RYR2: variants seen among roughly 807,000 people sequenced by gnomAD.
RYR2 encodes the protein ryanodine receptor 2.
In RYR2, 227 loss-of-function variants were observed where a neutral mutation model predicts 601.1. The observed-to-expected ratio is 0.38, with a 90% CI of 0.34 to 0.42. The LOEUF is 0.42. RYR2 is among the 10% of genes least tolerant of loss of function. RYR2 has a pLI of 1.00. For synonymous variants in RYR2, 2,223 were observed against 2,175.1 expected (o/e 1.02, Z -0.61); for missense variants, 4,646 against 6,156.5 (o/e 0.75, Z 8.21).
At chr1:237,821,984 T>C (rs1014270647) in intron 101 of RYR2, among the ~76,000 whole-genome samples, 21 of 149,078 alleles carry the variant, frequency 1.4e-4, no homozygotes, top group Admixed American at 8.7e-4. Context: ...GAAAAAAGAG[T>C]GAAAAGAAAT....
At chr1:237,438,250 C>CCT (rs1030566547) in intron 12 of RYR2, among the ~76,000 whole-genome samples, 23 of 152,026 alleles carry the variant, frequency 1.5e-4, no homozygotes, top group African/African-American at 5.6e-4. Flanking sequence ...GCTGTAAAGT[C>CCT]CTCGTCTGCT....
chr1:237,306,723 C>T (rs1166075210), intron 2 of RYR2, among the ~76,000 whole-genome samples: 1 of 151,970 alleles, frequency 6.6e-6, no homozygotes, highest in African/African-American at 2.4e-5. Context: ...AAGGATGTAA[C>T]CAAAAAGAGC....
intron 10 of RYR2, among the ~76,000 whole-genome samples, chr1:237,394,020 A>G (rs1405966813): frequency 6.6e-6 from 1 of 152,256 alleles, no homozygotes; most frequent in East Asian, 1.9e-4. Flanking sequence ...ATAGAAAAAC[A>G]GACAATAGAT....
intron 1 of RYR2, among the ~76,000 whole-genome samples, chr1:237,110,191 G>C (rs1357853701): frequency 6.6e-6 from 1 of 152,098 alleles, no homozygotes; most frequent in Non-Finnish European, 1.5e-5. Context: ...TGGAAAGCTT[G>C]TTAAAACGCA....
chr1:237,342,313 A>ATTT (rs201847873), intron 3 of RYR2, among the ~76,000 whole-genome samples: 75 of 130,244 alleles, frequency 5.8e-4, no homozygotes, highest in Admixed American at 1.6e-3. Flanking sequence ...TGGCTAATTA[A>ATTT]TTTTTTTTTT....
At chr1:237,628,392 C>G (rs1199326106) in intron 41 of RYR2, among the ~76,000 whole-genome samples, 1 of 143,454 alleles carries the variant, frequency 7.0e-6, no homozygotes, top group Non-Finnish European at 1.5e-5. Context: ...CACAACAGTC[C>G]CCAGAGTCTG....
intron 29 of RYR2, among the ~76,000 whole-genome samples, chr1:237,575,098 C>T (rs1673091408): frequency 6.6e-6 from 1 of 152,184 alleles, no homozygotes; most frequent in Non-Finnish European, 1.5e-5. Flanking sequence ...GAACAGGAAT[C>T]ATGGCTTGCC....
intron 1 of RYR2, among the ~76,000 whole-genome samples, chr1:237,104,989 TG>T (rs1251185678): frequency 6.6e-6 from 1 of 152,232 alleles, no homozygotes; most frequent in East Asian, 1.9e-4. Context: ...TCAGGCTTTC[TG>T]GCAGACTGTC....
At chr1:237,219,683 G>A (rs1033221874) in intron 1 of RYR2, among the ~76,000 whole-genome samples, 3 of 152,136 alleles carry the variant, frequency 2.0e-5, no homozygotes, top group East Asian at 1.9e-4. Context: ...ATATAATCTC[G>A]AAGACTTAAT....
chr1:237,656,034 A>G (rs1683211826), intron 53 of RYR2, 50 bp downstream of exon 53: 3 of 1,577,706 alleles, frequency 1.9e-6, no homozygotes, highest in South Asian at 1.2e-5. Context: ...TGATGTGTGA[A>G]GTCTGAAATT....
chr1:237,296,264 A>G (rs1262780195), intron 2 of RYR2, among the ~76,000 whole-genome samples: 1 of 152,180 alleles, frequency 6.6e-6, no homozygotes, highest in Non-Finnish European at 1.5e-5. Context: ...GGACTTTGAA[A>G]GCTAGAACAA....
At chr1:237,506,481 T>A (rs1315931559) in intron 22 of RYR2, among the ~76,000 whole-genome samples, 5 of 149,342 alleles carry the variant, frequency 3.3e-5, no homozygotes, top group African/African-American at 5.0e-5. Flanking sequence ...GAGCTTGCAG[T>A]GAGCAGAGAT....
chr1:237,503,399 A>G lies in RYR2; in HGVS notation c.2507A>G (p.His836Arg), dbSNP rs76474894. 6.2e-7 allele frequency: 1 copy of G among 1,613,964 alleles called. No homozygotes were observed. Among genetic ancestry groups the G allele is most frequent in the South Asian group, 1.1e-5 (1 of 91,086 alleles). ...CCAAAAGAAAAGTTGAAAGTGGAAC[A>G]CAGCCGAGAGTACAAGCAAGAAAGA... is the stretch of plus-strand genomic sequence containing the variant. ...VLPKEKLKVE[H>R]SREYKQERTY... Residue 836 changes from histidine (H) to arginine (R), a missense_variant, in exon 22 of 105, where the codon CAC (histidine) becomes CGC (arginine). His to Arg is a conservative substitution (Grantham distance 29, BLOSUM62 0). Transcript: ENST00000366574.
intron 14 of RYR2, among the ~76,000 whole-genome samples, chr1:237,451,772 C>A (rs1658153494): frequency 6.6e-6 from 1 of 151,968 alleles, no homozygotes; most frequent in South Asian, 2.1e-4. Context: ...TATTTTCACC[C>A]ATGTATTTTT....
chr1:237,054,389 A>T lies in RYR2; in HGVS notation c.48+11820A>T, dbSNP rs529952750. On this transcript the variant is annotated intron_variant, in intron 1 of 104. Transcript: ENST00000366574. ...GTAAAAGACTGTAAATTGGATTATA[A>T]GGAATGATTTATGGCTGTCCTATCA... Among the ~76,000 whole-genome samples the T allele has an allele frequency of 7.6e-5, 11 of 144,362 alleles. No homozygotes were observed. In the East Asian group the frequency reaches 2.2e-3, roughly 29 times the overall value. The allele number at this position is 144,362 out of a possible 152,430, so 94.7% of individuals were successfully genotyped here.
chr1:237,742,773 A>G (rs983921643), intron 80 of RYR2, among the ~76,000 whole-genome samples: 6 of 152,202 alleles, frequency 3.9e-5, no homozygotes, highest in African/African-American at 7.2e-5. Flanking sequence ...ACTTCTGCCC[A>G]ATTAGATCAC....
chr1:237,670,046 A>G (rs940624636), intron 58 of RYR2, among the ~76,000 whole-genome samples: 6 of 152,278 alleles, frequency 3.9e-5, no homozygotes, highest in East Asian at 1.9e-4. Context: ...TGGCACCTCC[A>G]GAGGCCGAGG....
At chr1:237,288,649 T>C (rs937017498) in intron 2 of RYR2, among the ~76,000 whole-genome samples, 34 of 152,064 alleles carry the variant, frequency 2.2e-4, no homozygotes, top group East Asian at 1.9e-3. Context: ...GGGCCAGTCG[T>C]ACTCCCACTG....
chr1:237,431,241 T>G (rs1333822975), intron 12 of RYR2, among the ~76,000 whole-genome samples: 1 of 152,194 alleles, frequency 6.6e-6, no homozygotes, highest in East Asian at 1.9e-4. Context: ...GATAATAAAT[T>G]TTTTCCCATG....
Sources: allele counts gnomAD v4.1 joint callset (sites outside exome capture counted in the v4.1 genomes callset), GRCh38; gene constraint gnomAD v4.1.1; transcripts MANE v1.5; gene names NCBI Gene and HGNC (gene_info 2026-07-23, HGNC 2026-07-21).